RAP1GAP2: variants seen among roughly 807,000 people sequenced by gnomAD.
The protein encoded by RAP1GAP2 is rap1 GTPase-activating protein 2.
A neutral mutation model predicts 95.0 loss-of-function variants in RAP1GAP2; 27 were observed. That is an observed-to-expected ratio of 0.28 (90% CI 0.21 to 0.39). RAP1GAP2 has a LOEUF of 0.39. RAP1GAP2 is among the 10% of genes least tolerant of loss of function. The pLI is 1.00. For missense variants in RAP1GAP2, 771 were observed against 970.0 expected (o/e 0.79, Z 2.72); for synonymous variants, 373 against 380.9 (o/e 0.98, Z 0.24).
chr17:2,985,701 C>G (rs1277795418), intron 11 of RAP1GAP2, among the ~76,000 whole-genome samples: 1 of 152,168 alleles, frequency 6.6e-6, no homozygotes, highest in South Asian at 2.1e-4. Context: ...AACCATGTTT[C>G]TCAAAGTGTG....
chr17:3,030,908 G>C lies in RAP1GAP2; in HGVS notation c.2108-14G>C. 1.2e-6 allele frequency: 2 copies of C among 1,601,446 alleles called. No individual in the cohort carries two copies. The highest frequency in any genetic ancestry group is 3.4e-5 in the Admixed American group (2 of 58,760). Reference sequence around the variant, plus strand: ...ACAGCTCCACCCTCCTTTCATGGCCGTTCTTTTTCTTAGATGCCAAAAGCA... The same window carrying C: ...ACAGCTCCACCCTCCTTTCATGGCCCTTCTTTTTCTTAGATGCCAAAAGCA... On this transcript the variant is annotated splice_polypyrimidine_tract_variant and intron_variant, in intron 22 of 24. Transcript: ENST00000254695.
At chr17:2,824,951 T>C (rs1441870506) in intron 2 of RAP1GAP2, among the ~76,000 whole-genome samples, 1 of 152,126 alleles carries the variant, frequency 6.6e-6, no homozygotes, top group Non-Finnish European at 1.5e-5. Flanking sequence ...CCTGCACCAC[T>C]TCCTCTTTTA....
At chr17:2,863,055 T>G (rs911867721) in intron 2 of RAP1GAP2, among the ~76,000 whole-genome samples, 1 of 137,218 alleles carries the variant, frequency 7.3e-6, no homozygotes, top group Non-Finnish European at 1.6e-5. Context: ...GGGATTCCAC[T>G]AAGAGTGTCT....
Position 2,980,346 on chromosome 17 carries a change from G to GT in RAP1GAP2, c.657dup (p.Val220CysfsTer10). 6.2e-7 allele frequency: 1 copy of GT among 1,613,924 alleles called. No individual in the cohort carries two copies. The highest frequency in any genetic ancestry group is 8.5e-7 in the Non-Finnish European group (1 of 1,179,880). On this transcript the variant is annotated frameshift_variant, in exon 9 of 25. Transcript: ENST00000254695. LOFTEE classifies it high-confidence loss of function. ...TTGGCTGGACTGAGCAAGCTTCCCAGTGTCCCTCAGATTGCAAAGGTGAGA... is the reference window on the plus strand; with the variant it reads ...TTGGCTGGACTGAGCAAGCTTCCCAGTTGTCCCTCAGATTGCAAAGGTGAGA...
At chr17:2,966,247 A>G (rs17822227) in intron 8 of RAP1GAP2, among the ~76,000 whole-genome samples, 36,398 of 152,146 alleles carry the variant, frequency 0.24, 5,098 homozygotes, top group Admixed American at 0.38. Flanking sequence ...GAACTGCGAT[A>G]GGTGTTAGAG....
At chr17:2,793,446 A>C (rs2068982253), upstream of RAP1GAP2, among the ~76,000 whole-genome samples, 1 of 152,120 alleles carries the variant, frequency 6.6e-6, no homozygotes, top group African/African-American at 2.4e-5. Flanking sequence ...GAACCACTGC[A>C]CCCGGCCTGC....
chr17:2,966,330 G>A (rs1285853024), intron 8 of RAP1GAP2, among the ~76,000 whole-genome samples: 2 of 152,190 alleles, frequency 1.3e-5, no homozygotes, highest in Non-Finnish European at 2.9e-5. Flanking sequence ...TGTGTGTCAC[G>A]GGTATGATTT....
intron 2 of RAP1GAP2, among the ~76,000 whole-genome samples, chr17:2,880,590 G>C: frequency 6.6e-6 from 1 of 151,460 alleles, no homozygotes; most frequent in Non-Finnish European, 1.5e-5. Context: ...TCCAGACCAT[G>C]TTCATCATCC....
chr17:2,906,098 C>T lies in RAP1GAP2; in HGVS notation c.165+730C>T, dbSNP rs1009810690. ...CATGCACGCTCTCCCTCCCTCCCTC[C>T]CTGCCTCCCTCCTTCCTTCACACTC... On this transcript the variant is annotated intron_variant, in intron 3 of 24. Coordinates refer to ENST00000254695, the MANE Select transcript of RAP1GAP2 (RefSeq NM_015085.5). The surrounding 1 kb of genome is among the most constrained non-coding windows in gnomAD (Gnocchi z 4.3). 1.3e-5 allele frequency among the ~76,000 whole-genome samples: 2 copies of T among 152,162 alleles called. No individual in the cohort carries two copies. The highest frequency in any genetic ancestry group is 2.9e-5 in the Non-Finnish European group (2 of 68,024).
At chr17:2,878,265 G>A (rs2073161024) in intron 2 of RAP1GAP2, among the ~76,000 whole-genome samples, 1 of 152,130 alleles carries the variant, frequency 6.6e-6, no homozygotes, top group Admixed American at 6.6e-5. Context: ...GGAGGAGCAG[G>A]TTGGGGGAAA....
chr17:2,904,530 C>CTGTGTGTGTGTGTGTCTGTG lies in RAP1GAP2; in HGVS notation c.81-739_81-738insCTGTGTGTGTGTGTGTGTGT, dbSNP rs2042129279. On this transcript the variant is annotated intron_variant, in intron 2 of 24. Coordinates refer to ENST00000254695, the MANE Select transcript of RAP1GAP2 (RefSeq NM_015085.5). The surrounding 1 kb of genome is among the most constrained non-coding windows in gnomAD (Gnocchi z 4.7). ...CCGAGGACAGCTTTTTGACCAGGGC[C>CTGTGTGTGTGTGTGTCTGTG]TGTGTGTGTGTGTGTGTGTGTGTGT... Among the ~76,000 whole-genome samples the CTGTGTGTGTGTGTGTCTGTG allele has an allele frequency of 7.7e-6, 1 of 129,082 alleles. No homozygotes were observed. Among genetic ancestry groups the CTGTGTGTGTGTGTGTCTGTG allele is most frequent in the South Asian group, 2.7e-4 (1 of 3,772 alleles). The allele number at this position is 129,082 out of a possible 152,430, so 84.7% of individuals were successfully genotyped here.
At chr17:2,908,408 TG>T (rs1409975133) in intron 3 of RAP1GAP2, among the ~76,000 whole-genome samples, 1 of 151,994 alleles carries the variant, frequency 6.6e-6, no homozygotes, top group Non-Finnish European at 1.5e-5. Flanking sequence ...ATGAGACCTT[TG>T]GAAAATCACC....
chr17:2,907,098 T>TC (rs35466961), intron 3 of RAP1GAP2, among the ~76,000 whole-genome samples: 70,821 of 151,814 alleles, frequency 0.47, 17,196 homozygotes, highest in African/African-American at 0.59. Context: ...AGTATTTTTT[T>TC]CCCCCAGTAG....
intron 2 of RAP1GAP2, among the ~76,000 whole-genome samples, chr17:2,839,186 C>A (rs1454335962): frequency 6.6e-6 from 1 of 151,972 alleles, no homozygotes; most frequent in Non-Finnish European, 1.5e-5. Context: ...GCCTGTAATC[C>A]CAGCTGCTCG....
Position 3,005,559 on chromosome 17 carries a change from G to A in RAP1GAP2, c.1272+119G>A. 8.6e-7 allele frequency: 1 copy of A among 1,164,450 alleles called. No homozygotes were observed. The highest frequency in any genetic ancestry group is 1.3e-6 in the Non-Finnish European group (1 of 774,850). The allele number at this position is 1,164,450 out of a possible 1,614,324, so 72.1% of individuals were successfully genotyped here. ...GGAACATTAGGGAGCTCCTTTTGCA[G>A]GTTTTGGGGGGAACCTCCTTTCTTG... On this transcript the variant is annotated intron_variant, in intron 15 of 24. Coordinates refer to ENST00000254695, the MANE Select transcript of RAP1GAP2 (RefSeq NM_015085.5). The surrounding 1 kb of genome is among the most constrained non-coding windows in gnomAD (Gnocchi z 5.2).
At chr17:2,852,203 A>G (rs1000232523) in intron 2 of RAP1GAP2, among the ~76,000 whole-genome samples, 1 of 152,166 alleles carries the variant, frequency 6.6e-6, no homozygotes, top group African/African-American at 2.4e-5. Context: ...TTAAGTCACT[A>G]CTGGCATAGT....
rs1399294851 is a variant in RAP1GAP2, at chr17:3,004,630, A to G, written c.1201-739A>G. Among the ~76,000 whole-genome samples, 5 of 152,234 alleles carry G rather than the reference A, an allele frequency of 3.3e-5. No individual in the cohort carries two copies. Among genetic ancestry groups the G allele is most frequent in the Non-Finnish European group, 7.3e-5 (5 of 68,030 alleles). On this transcript the variant is annotated intron_variant, in intron 14 of 24. Coordinates refer to ENST00000254695, the MANE Select transcript of RAP1GAP2 (RefSeq NM_015085.5). The surrounding 1 kb of genome is among the most constrained non-coding windows in gnomAD (Gnocchi z 4.1). Reference sequence around the variant, plus strand: ...CCTCGAGGCCGTCACTCTAAAGCTCAGTCTCACTCAGGGTGCCAGAGGTGC... The same window carrying G: ...CCTCGAGGCCGTCACTCTAAAGCTCGGTCTCACTCAGGGTGCCAGAGGTGC...
rs397964863 is a variant in RAP1GAP2 at position 2,986,540 on chromosome 17, AT to A, written c.813+1491del. On this transcript the variant is annotated intron_variant, in intron 11 of 24. Transcript: ENST00000254695. ...TGTGGAGGAAAAAGCCAAGAAGATA[AT>A]TTTTTTTTTTTTTTTTAAGAACCTA... Among the ~76,000 whole-genome samples the A allele has an allele frequency of 8.5e-3, 1,240 of 145,770 alleles. 8 individuals are homozygous for A. Among genetic ancestry groups the A allele is most frequent in the African/African-American group, 0.022 (868 of 39,842 alleles).
chr17:2,969,988 C>A (rs1345880936), intron 8 of RAP1GAP2, among the ~76,000 whole-genome samples: 2 of 151,614 alleles, frequency 1.3e-5, no homozygotes, highest in Non-Finnish European at 2.9e-5. Flanking sequence ...TAATACATCC[C>A]CTGGGCCGGG....
Sources: allele counts gnomAD v4.1 joint callset (sites outside exome capture counted in the v4.1 genomes callset), GRCh38; gene constraint gnomAD v4.1.1; non-coding constraint Gnocchi (gnomAD v3.1); transcripts MANE v1.5; gene names NCBI Gene and HGNC (gene_info 2026-07-23, HGNC 2026-07-21).